Variants in SPPL3 observed in about 807,000 individuals in gnomAD.
SPPL3 encodes the protein signal peptide peptidase-like 3.
Under a neutral mutation model 42.4 loss-of-function variants are expected in SPPL3, and 5 were observed. That is an observed-to-expected ratio of 0.12 (90% CI 0.06 to 0.25). The LOEUF is 0.25. Ranked by LOEUF, SPPL3 falls within the 10% of genes least tolerant of loss-of-function variation. The probability of loss-of-function intolerance (pLI) is 1.00; values close to 1 mark genes in which losing one functional copy is unlikely to be tolerated. For synonymous variants in SPPL3, 195 were observed against 181.8 expected (o/e 1.07, Z -0.58); for missense variants, 235 against 489.0 (o/e 0.48, Z 4.90).
At chr12:120,869,431 CAT>C (rs1461527851) in intron 1 of SPPL3, among the ~76,000 whole-genome samples, 6 of 152,236 alleles carry the variant, frequency 3.9e-5, no homozygotes, top group Non-Finnish European at 8.8e-5. Flanking sequence ...CTTCAAACAC[CAT>C]ATGAGACAGA....
chr12:120,901,081 A>G (rs982821813), intron 1 of SPPL3, among the ~76,000 whole-genome samples: 5 of 152,190 alleles, frequency 3.3e-5, no homozygotes, highest in Non-Finnish European at 4.4e-5. Flanking sequence ...AGAATGAGTA[A>G]AATGATGGGA....
chr12:120,796,576 T>C (rs1870105592), intron 2 of SPPL3, among the ~76,000 whole-genome samples: 1 of 152,196 alleles, frequency 6.6e-6, no homozygotes, highest in South Asian at 2.1e-4. Flanking sequence ...ATGCTAGACA[T>C]TGTGAATTTT....
chr12:120,864,920 A>G (rs539290370), intron 1 of SPPL3, among the ~76,000 whole-genome samples: 2 of 152,368 alleles, frequency 1.3e-5, no homozygotes, highest in South Asian at 2.1e-4. Flanking sequence ...ACAAAACTGT[A>G]GAGTGTGTGG....
intron 10 of SPPL3, 105 bp from the exon 11 acceptor site, chr12:120,765,175 C>G: frequency 1.9e-6 from 2 of 1,039,614 alleles, no homozygotes; most frequent in Non-Finnish European, 2.7e-6. Context: ...TGAAGTCTTC[C>G]TATATATTGG....
At position 120,832,073 on chromosome 12, in the gene SPPL3, G is replaced by A. The variant is rs375745944; in HGVS notation, c.24-21187C>T. ...AAACTGTAAATTCATAATAGCAATT[G>A]TATCTGCTTAGTTTTATCGAGCTTT... is the stretch of plus-strand genomic sequence containing the variant. On this transcript the variant is annotated intron_variant, in intron 1 of 10. Coordinates refer to ENST00000353487, the MANE Select transcript of SPPL3 (RefSeq NM_139015.5). Among the ~76,000 whole-genome samples, 6 of 152,298 alleles carry A rather than the reference G, an allele frequency of 3.9e-5. No homozygotes were observed. In the East Asian group the frequency reaches 9.6e-4, roughly 24 times the overall value.
intron 1 of SPPL3, among the ~76,000 whole-genome samples, chr12:120,851,698 G>A (rs746846705): frequency 6.6e-6 from 1 of 152,014 alleles, no homozygotes; most frequent in Non-Finnish European, 1.5e-5. Flanking sequence ...TGACCTCCCC[G>A]GGTCAGGTGA....
chr12:120,893,520 A>G (rs1217600937), intron 1 of SPPL3, among the ~76,000 whole-genome samples: 1 of 151,962 alleles, frequency 6.6e-6, no homozygotes, highest in African/African-American at 2.4e-5. Flanking sequence ...TTCACATCTC[A>G]AACAAATGGC....
chr12:120,821,020 T>C (rs1293180113), intron 1 of SPPL3, among the ~76,000 whole-genome samples: 2 of 152,214 alleles, frequency 1.3e-5, no homozygotes, highest in Non-Finnish European at 2.9e-5. Flanking sequence ...TTTTATATTT[T>C]ACCAAGACTA....
chr12:120,820,412 T>C (rs1242751432), intron 1 of SPPL3, among the ~76,000 whole-genome samples: 1 of 148,606 alleles, frequency 6.7e-6, no homozygotes, highest in Non-Finnish European at 1.5e-5. Context: ...GCCTCCCAGG[T>C]TCACGCCATT....
intron 3 of SPPL3, 150 bp downstream of exon 3, chr12:120,791,319 C>A (rs893614904): frequency 1.3e-5 from 7 of 541,084 alleles, no homozygotes; most frequent in Middle Eastern, 4.9e-4. Flanking sequence ...CAATTACATA[C>A]CGTAAAATTC....
At chr12:120,770,900 AT>A (rs1275523074) in intron 6 of SPPL3, among the ~76,000 whole-genome samples, 1 of 152,110 alleles carries the variant, frequency 6.6e-6, no homozygotes, top group Non-Finnish European at 1.5e-5. Context: ...GGCCTCTCAA[AT>A]CTAACATGTC....
At chr12:120,851,498 T>A (rs1229395414) in intron 1 of SPPL3, among the ~76,000 whole-genome samples, 1 of 152,134 alleles carries the variant, frequency 6.6e-6, no homozygotes, top group Non-Finnish European at 1.5e-5. Context: ...CTCTGTTCAG[T>A]CGAAGCAGTA....
At position 120,781,569 on chromosome 12, in the gene SPPL3, T is replaced by G. The variant is rs1164169977; in HGVS notation, c.502+1086A>C. On this transcript the variant is annotated intron_variant, in intron 6 of 10. Transcript: ENST00000353487. Reference sequence around the variant, plus strand: ...CTTATTGTTACGTTTTTTTTTTTTTTTTTTTTTTTTTTTTTTTTTTTTGAG... The same window carrying G: ...CTTATTGTTACGTTTTTTTTTTTTTGTTTTTTTTTTTTTTTTTTTTTTGAG... Among the ~76,000 whole-genome samples, 476 of 93,080 alleles carry G rather than the reference T, an allele frequency of 5.1e-3. 4 individuals carry two copies. The highest frequency in any genetic ancestry group is 0.018 in the African/African-American group (423 of 22,970). 61.1% of individuals were successfully genotyped at this position (93,080 alleles called of 152,430 possible). A position where few individuals can be genotyped will look rare whatever the true frequency, so the allele number is the denominator to read the frequency against.
At chr12:120,802,634 A>C (rs1470654136) in intron 2 of SPPL3, among the ~76,000 whole-genome samples, 1 of 151,690 alleles carries the variant, frequency 6.6e-6, no homozygotes, top group Non-Finnish European at 1.5e-5. Flanking sequence ...GAGTTTCACC[A>C]TGTTGGCCAG....
intron 1 of SPPL3, among the ~76,000 whole-genome samples, chr12:120,814,044 AT>A (rs1293708586): frequency 1.3e-5 from 2 of 152,168 alleles, no homozygotes; most frequent in Admixed American, 6.5e-5. Context: ...ATGATTTAAG[AT>A]TTACTTTAAA....
At chr12:120,857,203 A>G (rs1314115847) in intron 1 of SPPL3, among the ~76,000 whole-genome samples, 1 of 152,236 alleles carries the variant, frequency 6.6e-6, no homozygotes, top group Non-Finnish European at 1.5e-5. Flanking sequence ...CCAGAAAGCT[A>G]AAGTCTTCCT....
chr12:120,865,285 A>C (rs955297789), intron 1 of SPPL3, among the ~76,000 whole-genome samples: 16 of 152,314 alleles, frequency 1.1e-4, no homozygotes, highest in African/African-American at 3.8e-4. Flanking sequence ...GCTCATAGCG[A>C]ACTGTACACT....
At chr12:120,834,379 G>T (rs564370725) in intron 1 of SPPL3, among the ~76,000 whole-genome samples, 117 of 152,264 alleles carry the variant, frequency 7.7e-4, no homozygotes, top group Non-Finnish European at 1.4e-3. Context: ...GTCTCCAACA[G>T]GGGTTGGAGT....
intron 1 of SPPL3, among the ~76,000 whole-genome samples, chr12:120,897,429 A>AC (rs1873844268): frequency 6.6e-6 from 1 of 152,250 alleles, no homozygotes; most frequent in African/African-American, 2.4e-5. Flanking sequence ...ATGTTTTTAA[A>AC]ATAATGAGCA....
Sources: gnomAD v4.1 joint callset for allele counts (sites outside exome capture counted in the v4.1 genomes callset) on GRCh38, gnomAD v4.1.1 for gene constraint, MANE v1.5 for transcripts, NCBI Gene and HGNC (gene_info 2026-07-23, HGNC 2026-07-21) for gene names.